The following CTNNA2 variants were observed in gnomAD, a reference collection of about 807,000 sequenced individuals.
CTNNA2 encodes catenin alpha-2.
A neutral mutation model predicts 101.0 loss-of-function variants in CTNNA2; 42 were observed. The observed-to-expected ratio is 0.42, with a 90% CI of 0.32 to 0.54. CTNNA2 has a LOEUF of 0.54. CTNNA2 is among the 20% of genes least tolerant of loss of function. CTNNA2 has a pLI of 0.14. For synonymous variants in CTNNA2, 450 were observed against 456.4 expected, an observed-to-expected ratio of 0.99 and a Z score of 0.18; for missense variants, 871 against 1,223.1, an observed-to-expected ratio of 0.71 and a Z score of 4.29.
intron 7 of CTNNA2, among the ~76,000 whole-genome samples, chr2:79,937,178 G>A (rs1687848026): frequency 6.6e-6 from 1 of 151,712 alleles, no homozygotes. Flanking sequence ...AATAGTATTT[G>A]GTAGTGCTTT....
chr2:80,061,243 A>C (rs1450395897), intron 7 of CTNNA2, among the ~76,000 whole-genome samples: 1 of 152,250 alleles, frequency 6.6e-6, no homozygotes, highest in African/African-American at 2.4e-5. Flanking sequence ...TTAATGAAGT[A>C]AATACAAAAA....
intron 3 of CTNNA2, among the ~76,000 whole-genome samples, chr2:79,829,300 TA>T (rs1201346353): frequency 2.7e-5 from 4 of 149,356 alleles, no homozygotes; most frequent in Non-Finnish European, 5.9e-5. Context: ...GGGCGGATCA[TA>T]AGGTCAGGAG....
chr2:79,308,611 G>A (rs1025376432), intron 2 of CTNNA2, among the ~76,000 whole-genome samples: 33 of 151,848 alleles, frequency 2.2e-4, no homozygotes, highest in African/African-American at 7.0e-4. Context: ...CCCCTGTTTT[G>A]TCTTCTAGAA....
chr2:80,442,344 T>C (rs1682665948), intron 9 of CTNNA2, among the ~76,000 whole-genome samples: 1 of 152,194 alleles, frequency 6.6e-6, no homozygotes. Flanking sequence ...TTAGTTGTAT[T>C]GCCCAGCCAT....
At chr2:79,908,630 G>C (rs989893596) in intron 6 of CTNNA2, among the ~76,000 whole-genome samples, 1 of 152,140 alleles carries the variant, frequency 6.6e-6, no homozygotes, top group African/African-American at 2.4e-5. Context: ...CTCATTTGCT[G>C]GGAGTTTTCC....
intron 1 of CTNNA2, among the ~76,000 whole-genome samples, chr2:79,526,652 G>T (rs1672421011): frequency 6.6e-6 from 1 of 152,156 alleles, no homozygotes; most frequent in African/African-American, 2.4e-5. Context: ...ATAGAATTGA[G>T]CATTCCGAAA....
chr2:79,804,556 C>T (rs2105311144), intron 3 of CTNNA2, among the ~76,000 whole-genome samples: 1 of 152,168 alleles, frequency 6.6e-6, no homozygotes, highest in East Asian at 1.9e-4. Flanking sequence ...AGGTTAAGAG[C>T]CTGAGTGGGG....
At chr2:80,385,591 G>T (rs533204882) in intron 7 of CTNNA2, among the ~76,000 whole-genome samples, 1 of 152,248 alleles carries the variant, frequency 6.6e-6, no homozygotes, top group East Asian at 1.9e-4. Context: ...GAACCATTTT[G>T]ATTTGACTCC....
At chr2:80,186,768 A>T (rs1427487175) in intron 7 of CTNNA2, among the ~76,000 whole-genome samples, 1 of 152,144 alleles carries the variant, frequency 6.6e-6, no homozygotes, top group Non-Finnish European at 1.5e-5. Flanking sequence ...GTCTACATCT[A>T]TGTTTATGTA....
At chr2:79,535,640 T>TA (rs1250654108) in intron 1 of CTNNA2, among the ~76,000 whole-genome samples, 1 of 152,128 alleles carries the variant, frequency 6.6e-6, no homozygotes, top group East Asian at 1.9e-4. Context: ...ATTGGATATG[T>TA]AATTACATAA....
chr2:79,829,025 A>T (rs1224061523), intron 3 of CTNNA2, among the ~76,000 whole-genome samples: 1 of 152,076 alleles, frequency 6.6e-6, no homozygotes, highest in Non-Finnish European at 1.5e-5. Context: ...GTTTAAGTGA[A>T]ATGTTTTCAA....
At chr2:79,841,443 A>C (rs776555132) in intron 3 of CTNNA2, among the ~76,000 whole-genome samples, 11 of 152,228 alleles carry the variant, frequency 7.2e-5, no homozygotes, top group Non-Finnish European at 1.5e-4. Flanking sequence ...AGGAGTCCCA[A>C]GTTCTAACTG....
intron 9 of CTNNA2, among the ~76,000 whole-genome samples, chr2:80,434,004 G>A (rs2149430736): frequency 6.6e-6 from 1 of 152,280 alleles, no homozygotes; most frequent in Non-Finnish European, 1.5e-5. Flanking sequence ...GTGGAAGAAA[G>A]GCTTTTGCTC....
intron 3 of CTNNA2, among the ~76,000 whole-genome samples, chr2:79,775,758 G>T (rs1673917145): frequency 6.6e-6 from 1 of 152,066 alleles, no homozygotes; most frequent in African/African-American, 2.4e-5. Flanking sequence ...GAGTTTTTTG[G>T]TAGGTGTTGC....
At chr2:79,213,934 G>A (rs183428229) in intron 2 of CTNNA2, among the ~76,000 whole-genome samples, 209 of 152,280 alleles carry the variant, frequency 1.4e-3, no homozygotes, top group Middle Eastern at 6.8e-3. Flanking sequence ...GCCGCTGCAC[G>A]CAGACATGAG....
chr2:80,446,435 TA>T (rs1376562998), intron 9 of CTNNA2, among the ~76,000 whole-genome samples: 2 of 152,270 alleles, frequency 1.3e-5, no homozygotes, highest in Non-Finnish European at 2.9e-5. Flanking sequence ...ATTCAAGTGA[TA>T]GACTATATGC....
chr2:80,154,646 C>CT (rs1703904568), intron 7 of CTNNA2, among the ~76,000 whole-genome samples: 1 of 152,136 alleles, frequency 6.6e-6, no homozygotes, highest in Non-Finnish European at 1.5e-5. Flanking sequence ...TGCTGAGAAA[C>CT]TACCTAATCC....
chr2:80,078,976 A>G (rs1006855253), intron 7 of CTNNA2, among the ~76,000 whole-genome samples: 5 of 152,096 alleles, frequency 3.3e-5, no homozygotes, highest in African/African-American at 9.7e-5. Context: ...TGATTTCCTC[A>G]TTGATGCAAA....
At chr2:80,070,717 C>A (rs78417318) in intron 7 of CTNNA2, among the ~76,000 whole-genome samples, 44 of 140,450 alleles carry the variant, frequency 3.1e-4, no homozygotes, top group African/African-American at 4.0e-4. Flanking sequence ...GACCCTGTCT[C>A]AAAAAAAAAA....
Sources: allele counts gnomAD v4.1 joint callset (sites outside exome capture counted in the v4.1 genomes callset), GRCh38; gene constraint gnomAD v4.1.1; transcripts MANE v1.5; gene names NCBI Gene and HGNC (gene_info 2026-07-23, HGNC 2026-07-21).